The following ARFGEF2 variants were observed in gnomAD, a reference collection of about 807,000 sequenced individuals.
ARFGEF2 encodes ARF guanine nucleotide exchange factor 2, also known as brefeldin A-inhibited guanine nucleotide-exchange protein 2.
ARFGEF2 carries 74 observed loss-of-function variants against 219.9 expected under a neutral mutation model. That is an observed-to-expected ratio of 0.34 (90% CI 0.28 to 0.41). The LOEUF (loss-of-function observed/expected upper bound fraction) is 0.41, where lower values mean the gene tolerates loss of function less well. Ranked by LOEUF, ARFGEF2 falls within the 10% of genes least tolerant of loss-of-function variation. The pLI is 1.00. For missense variants in ARFGEF2, 1,743 were observed against 2,218.3 expected, an observed-to-expected ratio of 0.79 and a Z score of 4.30; for synonymous variants, 733 against 799.2, an observed-to-expected ratio of 0.92 and a Z score of 1.40.
At chr20:49,017,058 T>C (rs986277538) in intron 31 of ARFGEF2, among the ~76,000 whole-genome samples, 191 bp from the exon 32 acceptor site, 1 of 152,172 alleles carries the variant, frequency 6.6e-6, no homozygotes, top group Non-Finnish European at 1.5e-5. Context: ...AATAAAACTA[T>C]GATAAACAAT....
intron 36 of ARFGEF2, among the ~76,000 whole-genome samples, chr20:49,028,140 C>T (rs889434812): frequency 6.6e-6 from 1 of 152,182 alleles, no homozygotes; most frequent in Admixed American, 6.5e-5. Flanking sequence ...CACCTGTAAT[C>T]CCAGCTACTA....
At chr20:49,005,910 C>T (rs183933093) in intron 26 of ARFGEF2, among the ~76,000 whole-genome samples, 203 of 152,182 alleles carry the variant, frequency 1.3e-3, no homozygotes, top group African/African-American at 4.6e-3. Flanking sequence ...GGATACCGGG[C>T]CCTGTGAAGC....
intron 6 of ARFGEF2, among the ~76,000 whole-genome samples, chr20:48,955,417 A>G (rs2091099752): frequency 6.6e-6 from 1 of 152,184 alleles, no homozygotes; most frequent in Non-Finnish European, 1.5e-5. Context: ...ACCTGAAATT[A>G]CTGAAGGGTT....
In ARFGEF2 at chr20:49,005,054, TC is replaced by T. The variant is rs1568732827; in HGVS notation, c.3433-14del. 1.2e-6 allele frequency: 2 copies of T among 1,614,174 alleles called. No individual in the cohort carries two copies. The highest frequency in any genetic ancestry group is 1.1e-5 in the South Asian group (1 of 91,082). ...TACACTATACCTGTTTCACATCAGT[TC>T]CTGTTCTTGTTCAGGTTGGCTGCAA... On this transcript the variant is annotated splice_polypyrimidine_tract_variant and intron_variant, in intron 25 of 38. Transcript: ENST00000371917.
At chr20:48,989,141 T>G in intron 18 of ARFGEF2, 144 bp from the exon 19 acceptor site, 1 of 966,034 alleles carries the variant, frequency 1.0e-6, no homozygotes, top group Non-Finnish European at 1.6e-6. Flanking sequence ...ATCTGTAAAA[T>G]GGTAATAATA....
In ARFGEF2 at chr20:48,952,780, T is replaced by A. The variant is rs1239732393; in HGVS notation, c.499T>A (p.Tyr167Asn). The A allele has an allele frequency of 6.2e-7, 1 of 1,614,220 alleles. No individual in the cohort carries two copies. Among genetic ancestry groups the A allele is most frequent in the South Asian group, 1.1e-5 (1 of 91,090 alleles). The change falls in exon 5 of 39, where the codon TAC (tyrosine) becomes AAC (asparagine). Residue 167 changes from tyrosine to asparagine, a missense_variant. Around this residue, in one of 5 missense-constraint regions of ARFGEF2, gnomAD observed 394 missense variants for 426.6 expected, o/e 0.92. Transcript: ENST00000371917. ...TATCCTGCAGACAGTGAGAACATGT[T>A]ACAATATCTATTTGGCCAGCAAAAA... is the stretch of plus-strand genomic sequence containing the variant. ...GTILQTVRTC[Y>N]NIYLASKNLI...
chr20:49,017,422 G>C (rs752727467), intron 32 of ARFGEF2, 35 bp downstream of exon 32: 1 of 1,613,832 alleles, frequency 6.2e-7, no homozygotes, highest in Non-Finnish European at 8.5e-7. Flanking sequence ...GTTTATCTCT[G>C]TGTTCAGTGG....
chr20:49,029,397 C>G (rs767474723), intron 37 of ARFGEF2, among the ~76,000 whole-genome samples: 74 of 152,282 alleles, frequency 4.9e-4, no homozygotes, highest in Non-Finnish European at 7.1e-4. Context: ...AGTGTTCATT[C>G]TCTGTGACTC....
intron 3 of ARFGEF2, among the ~76,000 whole-genome samples, chr20:48,950,126 A>G (rs764363779): frequency 6.6e-6 from 1 of 152,116 alleles, no homozygotes; most frequent in Non-Finnish European, 1.5e-5. Flanking sequence ...TCTGTCCTCC[A>G]TGCTGACATC....
intron 35 of ARFGEF2, among the ~76,000 whole-genome samples, chr20:49,024,532 A>G (rs2091589180): frequency 6.6e-6 from 1 of 152,230 alleles, no homozygotes; most frequent in Admixed American, 6.5e-5. Flanking sequence ...AAGAGTAGCC[A>G]AAATCAAGAT....
intron 16 of ARFGEF2, among the ~76,000 whole-genome samples, chr20:48,986,371 G>A (rs1170019955): frequency 6.6e-6 from 1 of 152,120 alleles, no homozygotes; most frequent in Non-Finnish European, 1.5e-5. Flanking sequence ...GCTCTTGCCT[G>A]TAATCCCAGC....
At chr20:48,959,817 C>A (rs1322695395) in intron 6 of ARFGEF2, among the ~76,000 whole-genome samples, 1 of 151,744 alleles carries the variant, frequency 6.6e-6, no homozygotes, top group Non-Finnish European at 1.5e-5. Flanking sequence ...CCAAGCTAGT[C>A]TCAAACTCCT....
rs191097216 is a variant in ARFGEF2 at position 49,018,631 on chromosome 20, A to G, written c.4510-253A>G. Among the ~76,000 whole-genome samples, 30 of 152,332 alleles carry G rather than the reference A, an allele frequency of 2.0e-4. No homozygotes were observed. The East Asian group carries it at 5.0e-3, about 25-fold the overall frequency. On this transcript the variant is annotated intron_variant, in intron 33 of 38. Coordinates refer to ENST00000371917, the MANE Select transcript of ARFGEF2 (RefSeq NM_006420.3). Reference sequence around the variant, plus strand: ...TTGTCACACTTATTGTTAAATCCTAATATGTAGAGAAATGTCCTCTGGGTT... The same window carrying G: ...TTGTCACACTTATTGTTAAATCCTAGTATGTAGAGAAATGTCCTCTGGGTT...
rs2091646010 is a variant in ARFGEF2, at chr20:49,033,013, C to T, written c.5182-10C>T. 5 of 1,613,942 alleles carry T rather than the reference C, an allele frequency of 3.1e-6. No homozygotes were observed. The highest frequency in any genetic ancestry group is 4.2e-6 in the Non-Finnish European group (5 of 1,179,954). ...TTGTCTAATTTTATCTGTTTCTCTCCCACCTCAAGTTCAAAGCACATGCTT... is the reference window on the plus strand; with the variant it reads ...TTGTCTAATTTTATCTGTTTCTCTCTCACCTCAAGTTCAAAGCACATGCTT... On this transcript the variant is annotated splice_polypyrimidine_tract_variant and intron_variant, in intron 38 of 38. Coordinates refer to ENST00000371917, the MANE Select transcript of ARFGEF2 (RefSeq NM_006420.3).
intron 3 of ARFGEF2, among the ~76,000 whole-genome samples, chr20:48,950,792 T>C (rs1221269240): frequency 2.4e-5 from 1 of 42,320 alleles, no homozygotes; most frequent in Non-Finnish European, 4.6e-5. Flanking sequence ...TAAGACCCTG[T>C]CTAAAAAAAA....
intron 20 of ARFGEF2, 122 bp downstream of exon 20, chr20:48,989,806 T>A (rs769466489): frequency 2.5e-5 from 35 of 1,426,848 alleles, no homozygotes; most frequent in Non-Finnish European, 3.1e-5. Context: ...TACTTACTTA[T>A]GCCTACTGAC....
Position 48,985,622 on chromosome 20 carries a change from C to A in ARFGEF2, c.2276+9C>A. ...ATAGAATGCAACCAAGGGTGAGCGC[C>A]GATTTTGAGTCCCTTCCAGATCATC... On this transcript the variant is annotated intron_variant, in intron 16 of 38. Coordinates refer to ENST00000371917, the MANE Select transcript of ARFGEF2 (RefSeq NM_006420.3). The A allele has an allele frequency of 1.9e-6, 3 of 1,613,658 alleles. No homozygotes were observed. Among genetic ancestry groups the A allele is most frequent in the Non-Finnish European group, 2.5e-6 (3 of 1,179,844 alleles).
chr20:49,024,710 C>T (rs761946228), intron 35 of ARFGEF2, among the ~76,000 whole-genome samples: 67 of 152,080 alleles, frequency 4.4e-4, no homozygotes, highest in Non-Finnish European at 7.5e-4. Context: ...TTCAAGAATG[C>T]ATTCCTGGGC....
At chr20:48,965,396 T>G (rs566488893) in intron 7 of ARFGEF2, among the ~76,000 whole-genome samples, 2 of 152,262 alleles carry the variant, frequency 1.3e-5, no homozygotes, top group Admixed American at 6.5e-5. Context: ...ATGAAATCTG[T>G]GTAATTCTTT....
Sources: allele counts gnomAD v4.1 joint callset (sites outside exome capture counted in the v4.1 genomes callset), GRCh38; gene constraint gnomAD v4.1.1; regional missense constraint gnomAD v4.1.1; transcripts MANE v1.5; gene names NCBI Gene and HGNC (gene_info 2026-07-23, HGNC 2026-07-21).